The following SEMA3C variants were observed in gnomAD, a reference collection of about 807,000 sequenced individuals.
SEMA3C encodes the protein semaphorin-3C.
In SEMA3C, 47 loss-of-function variants were observed where a neutral mutation model predicts 89.4. The ratio of observed to expected loss-of-function variants is 0.53; its 90% confidence interval spans 0.42 to 0.67. The LOEUF (loss-of-function observed/expected upper bound fraction) is 0.67. Ranked by LOEUF, SEMA3C falls within the 30% of genes least tolerant of loss-of-function variation. The pLI is 0.00. For synonymous variants in SEMA3C, 310 were observed against 320.2 expected (o/e 0.97, Z 0.34); for missense variants, 839 against 929.1 (o/e 0.90, Z 1.26).
At chr7:80,814,969 C>G (rs769765350) in intron 5 of SEMA3C, among the ~76,000 whole-genome samples, 1 of 152,164 alleles carries the variant, frequency 6.6e-6, no homozygotes, top group African/African-American at 2.4e-5. Flanking sequence ...TTACCTAACA[C>G]ATAAGTGACA....
At chr7:80,869,244 A>G (rs1333060827) in intron 2 of SEMA3C, among the ~76,000 whole-genome samples, 2 of 152,214 alleles carry the variant, frequency 1.3e-5, no homozygotes, top group East Asian at 3.8e-4. Context: ...TTTAATGTTC[A>G]TAATTAGCTG....
chr7:80,892,579 A>G (rs1791641763), intron 2 of SEMA3C, among the ~76,000 whole-genome samples: 1 of 152,160 alleles, frequency 6.6e-6, no homozygotes, highest in Non-Finnish European at 1.5e-5. Context: ...AATGTAGAGT[A>G]CCTCATACCT....
At chr7:80,864,893 G>GT (rs1462061325) in intron 2 of SEMA3C, among the ~76,000 whole-genome samples, 2 of 152,100 alleles carry the variant, frequency 1.3e-5, no homozygotes, top group East Asian at 3.9e-4. Context: ...CCTGCAGAAG[G>GT]TACCTTAATT....
In SEMA3C at chr7:80,769,864, C is replaced by CAAAAAA. The variant is rs1293174938; in HGVS notation, c.1355-4627_1355-4622dup. Among the ~76,000 whole-genome samples the CAAAAAA allele has an allele frequency of 1.4e-3, 64 of 46,676 alleles. No individual in the cohort carries two copies. In the East Asian group the frequency reaches 0.016, roughly 12 times the overall value. The allele number at this position is 46,676 out of a possible 152,430, so 30.6% of individuals were successfully genotyped here. A position where few individuals can be genotyped will look rare whatever the true frequency, so the allele number is the denominator to read the frequency against. On this transcript the variant is annotated intron_variant, in intron 12 of 17. Coordinates refer to ENST00000265361, the MANE Select transcript of SEMA3C (RefSeq NM_006379.5). ...ATAGAGCAAGACTCTGTCCCCCCCC[C>CAAAAAA]AAAAAAAAAAAAAAAAAAAAAAAAC...
chr7:80,752,562 C>G (rs1787960124), intron 15 of SEMA3C, among the ~76,000 whole-genome samples: 1 of 144,612 alleles, frequency 6.9e-6, no homozygotes, highest in Non-Finnish European at 1.5e-5. Context: ...TTGTGGTGAG[C>G]TGAGATCACG....
intron 12 of SEMA3C, among the ~76,000 whole-genome samples, chr7:80,785,386 A>T (rs185430091): frequency 3.8e-4 from 58 of 152,310 alleles, no homozygotes; most frequent in Middle Eastern, 3.4e-3. Context: ...GATGATACAG[A>T]AGAAAAGCCA....
At chr7:80,879,152 T>C (rs1443925338) in intron 2 of SEMA3C, among the ~76,000 whole-genome samples, 3 of 151,768 alleles carry the variant, frequency 2.0e-5, no homozygotes, top group Non-Finnish European at 4.4e-5. Flanking sequence ...AAGTGCTTGC[T>C]ACCAAACAAG....
intron 2 of SEMA3C, among the ~76,000 whole-genome samples, chr7:80,873,685 G>A (rs1388987062): frequency 3.9e-5 from 6 of 152,098 alleles, no homozygotes; most frequent in Admixed American, 6.5e-5. Context: ...CAAACTTGTC[G>A]TATGCATCAG....
intron 2 of SEMA3C, among the ~76,000 whole-genome samples, chr7:80,853,456 G>A (rs1018202003): frequency 6.6e-6 from 1 of 152,206 alleles, no homozygotes; most frequent in Non-Finnish European, 1.5e-5. Flanking sequence ...ATGCGATCCT[G>A]TCATTTGCAC....
intron 15 of SEMA3C, among the ~76,000 whole-genome samples, chr7:80,752,814 ACT>A (rs1272982716): frequency 1.3e-5 from 2 of 152,070 alleles, no homozygotes; most frequent in African/African-American, 4.8e-5. Flanking sequence ...TCAGAAGGTG[ACT>A]CTTTAAATAT....
intron 2 of SEMA3C, among the ~76,000 whole-genome samples, chr7:80,897,904 A>G (rs562786224): frequency 2.0e-5 from 3 of 152,238 alleles, no homozygotes; most frequent in Non-Finnish European, 4.4e-5. Context: ...ATTTTTCTAA[A>G]TTGTTTATAA....
chr7:80,846,133 T>C (rs751197986), intron 2 of SEMA3C, among the ~76,000 whole-genome samples: 3 of 152,222 alleles, frequency 2.0e-5, no homozygotes, highest in East Asian at 1.9e-4. Flanking sequence ...AAATGTCTCA[T>C]CTAAAGGGAA....
chr7:80,819,161 C>T (rs181239289), intron 4 of SEMA3C, among the ~76,000 whole-genome samples: 5 of 151,958 alleles, frequency 3.3e-5, no homozygotes, highest in Non-Finnish European at 5.9e-5. Context: ...TTTGGCAATA[C>T]TTTGCTATAC....
intron 12 of SEMA3C, among the ~76,000 whole-genome samples, chr7:80,787,267 T>C (rs1042310251): frequency 2.0e-5 from 3 of 151,590 alleles, no homozygotes; most frequent in African/African-American, 7.3e-5. Flanking sequence ...TGGCATGCGC[T>C]TGTAATCCCA....
chr7:80,896,051 T>C (rs1159649065), intron 2 of SEMA3C, among the ~76,000 whole-genome samples: 1 of 152,132 alleles, frequency 6.6e-6, no homozygotes, highest in Non-Finnish European at 1.5e-5. Flanking sequence ...GTTTATCTTA[T>C]CAATTGTACT....
chr7:80,819,816 C>A (rs1176739916), intron 4 of SEMA3C, among the ~76,000 whole-genome samples: 2 of 152,116 alleles, frequency 1.3e-5, no homozygotes, highest in Admixed American at 6.6e-5. Context: ...AATTAACCAC[C>A]AAATGTTCCA....
At chr7:80,863,632 A>G (rs1462272654) in intron 2 of SEMA3C, among the ~76,000 whole-genome samples, 2 of 151,096 alleles carry the variant, frequency 1.3e-5, no homozygotes, top group Non-Finnish European at 2.9e-5. Flanking sequence ...CAACGAGTAG[A>G]TAAAGAAACT....
intron 12 of SEMA3C, among the ~76,000 whole-genome samples, chr7:80,768,601 A>C (rs1254017042): frequency 6.6e-6 from 1 of 152,164 alleles, no homozygotes; most frequent in Non-Finnish European, 1.5e-5. Context: ...GAAGTGAAAA[A>C]ACATTTGGGG....
At chr7:80,799,352 C>G (rs1286694211) in intron 10 of SEMA3C, among the ~76,000 whole-genome samples, 3 of 151,910 alleles carry the variant, frequency 2.0e-5, no homozygotes, top group Non-Finnish European at 4.4e-5. Context: ...TCAAAGGGAC[C>G]CATTATCTTC....
Sources: gnomAD v4.1 joint callset for allele counts (sites outside exome capture counted in the v4.1 genomes callset) on GRCh38, gnomAD v4.1.1 for gene constraint, MANE v1.5 for transcripts, NCBI Gene and HGNC (gene_info 2026-07-23, HGNC 2026-07-21) for gene names.